Variants in PREX2 observed in about 807,000 individuals in gnomAD.
PREX2 encodes phosphatidylinositol 3,4,5-trisphosphate-dependent Rac exchanger 2 protein.
A neutral mutation model predicts 203.2 loss-of-function variants in PREX2; 107 were observed. That is an observed-to-expected ratio of 0.53 (90% CI 0.45 to 0.62). The LOEUF is 0.62. Ranked by LOEUF, PREX2 falls within the 20% of genes least tolerant of loss-of-function variation. PREX2 has a pLI of 0.00. For missense variants in PREX2, 1,777 were observed against 1,955.9 expected (o/e 0.91, Z 1.72); for synonymous variants, 672 against 663.6 (o/e 1.01, Z -0.19).
intron 23 of PREX2, among the ~76,000 whole-genome samples, chr8:68,106,794 G>C (rs774464558): frequency 2.6e-5 from 4 of 152,092 alleles, no homozygotes; most frequent in African/African-American, 4.8e-5. Flanking sequence ...AGAGTAAATA[G>C]ATAGGATCAT....
rs557475368 is a variant in PREX2 at position 68,098,676 on chromosome 8, C to T, written c.2554-1006C>T. ...TATTACAAATATCACTTGGATTTTA[C>T]ACATGAAGAAAAAACAGTCAAGAAA... On this transcript the variant is annotated intron_variant, in intron 22 of 39. Transcript: ENST00000288368. 1.4e-4 allele frequency among the ~76,000 whole-genome samples: 21 copies of T among 151,430 alleles called. No homozygotes were observed. The South Asian group carries it at 2.9e-3, about 21-fold the overall frequency.
chr8:68,085,140 A>G (rs529276503), intron 18 of PREX2, among the ~76,000 whole-genome samples: 9 of 152,324 alleles, frequency 5.9e-5, no homozygotes, highest in Middle Eastern at 3.4e-3. Flanking sequence ...AATGGGGATA[A>G]GAGTACCTGT....
Position 68,134,208 on chromosome 8 carries a change from A to T in PREX2, c.3916A>T (p.Arg1306Trp), listed in dbSNP as rs1465260088. 1.9e-6 allele frequency: 3 copies of T among 1,614,146 alleles called. No homozygotes were observed. The highest frequency in any genetic ancestry group is 1.1e-5 in the South Asian group (1 of 91,088). Reference sequence around the variant, plus strand: ...GATGGAAACTTGGGAAGCCAGCAGGAGGTGGCTGGACCAGATAGCGAATGC... The same window carrying T: ...GATGGAAACTTGGGAAGCCAGCAGGTGGTGGCTGGACCAGATAGCGAATGC... ...NEMETWEASR[R>W]WLDQIANAGV... is the part of the protein sequence containing the mutation. Residue 1306 changes from arginine (R) to tryptophan (W), a missense_variant, in exon 32 of 40, where the codon AGG becomes TGG. Arg to Trp is a moderately radical substitution (Grantham distance 101). Coordinates refer to ENST00000288368, the MANE Select transcript of PREX2 (RefSeq NM_024870.4).
At chr8:68,199,148 A>G (rs1446108692) in intron 37 of PREX2, among the ~76,000 whole-genome samples, 1 of 151,900 alleles carries the variant, frequency 6.6e-6, no homozygotes, top group Non-Finnish European at 1.5e-5. Flanking sequence ...GGGGGGGTTC[A>G]CCAGCACCCA....
chr8:67,972,776 C>T (rs1305114423), intron 1 of PREX2, among the ~76,000 whole-genome samples: 2 of 152,124 alleles, frequency 1.3e-5, no homozygotes, highest in Non-Finnish European at 2.9e-5. Context: ...ATCAACTGAC[C>T]ATGGCCTCTG....
intron 1 of PREX2, among the ~76,000 whole-genome samples, chr8:67,978,212 C>T (rs7460546): frequency 0.34 from 52,196 of 151,808 alleles, 9,340 homozygotes; most frequent in East Asian, 0.6. Context: ...CCTCTCCCCC[C>T]GCACATACAC....
chr8:68,182,960 C>T (rs1377216189), intron 35 of PREX2, among the ~76,000 whole-genome samples: 1 of 151,248 alleles, frequency 6.6e-6, no homozygotes, highest in African/African-American at 2.4e-5. Context: ...CAGGAGAGAA[C>T]CATATGCAAA....
chr8:68,115,271 G>A (rs1233312891), intron 25 of PREX2, among the ~76,000 whole-genome samples: 3 of 151,972 alleles, frequency 2.0e-5, no homozygotes, highest in African/African-American at 7.2e-5. Flanking sequence ...TAGGTGATCC[G>A]CCTGCCTTGG....
chr8:68,106,820 G>A (rs1315294349), intron 23 of PREX2, among the ~76,000 whole-genome samples: 3 of 152,128 alleles, frequency 2.0e-5, no homozygotes, highest in African/African-American at 4.8e-5. Context: ...TAGTTTTCAA[G>A]GGAGAAGAGA....
rs539254200 is a variant in PREX2, at chr8:68,139,373, G to C, written c.4087+856G>C. Among the ~76,000 whole-genome samples the C allele has an allele frequency of 1.4e-4, 21 of 152,214 alleles. No individual in the cohort carries two copies. In the South Asian group the frequency reaches 4.1e-3, roughly 30 times the overall value. ...GGACTCTGAGGCTGGGAGCAGACAT[G>C]GCATGCTCTCAGGATAGGAAGTTGG... On this transcript the variant is annotated intron_variant, in intron 33 of 39. Coordinates refer to ENST00000288368, the MANE Select transcript of PREX2 (RefSeq NM_024870.4).
chr8:68,106,081 G>C (rs539946224), intron 23 of PREX2: 7 of 273,486 alleles, frequency 2.6e-5, no homozygotes, highest in African/African-American at 1.6e-4. Context: ...TATATCTCCA[G>C]CATTGAGCAC....
chr8:67,954,148 A>G (rs955275866), intron 1 of PREX2, among the ~76,000 whole-genome samples: 4 of 152,220 alleles, frequency 2.6e-5, no homozygotes, highest in African/African-American at 9.6e-5. Context: ...ATATAGAGTT[A>G]GGTAAGAAAG....
At chr8:68,086,165 T>G (rs13280209) in intron 18 of PREX2, among the ~76,000 whole-genome samples, 33,025 of 152,138 alleles carry the variant, frequency 0.22, 3,868 homozygotes, top group African/African-American at 0.31. Flanking sequence ...CTGTGACCTC[T>G]ATCCCACATA....
At chr8:68,021,710 G>A (rs1807572430) in intron 3 of PREX2, among the ~76,000 whole-genome samples, 1 of 152,166 alleles carries the variant, frequency 6.6e-6, no homozygotes, top group Non-Finnish European at 1.5e-5. Context: ...GCAAGAATAT[G>A]TATGTAATTT....
chr8:67,965,352 T>C (rs1322912322), intron 1 of PREX2, among the ~76,000 whole-genome samples: 1 of 152,220 alleles, frequency 6.6e-6, no homozygotes, highest in African/African-American at 2.4e-5. Flanking sequence ...GTATTTACAG[T>C]GCTTCCTAAC....
intron 38 of PREX2, among the ~76,000 whole-genome samples, chr8:68,224,322 T>G (rs758081148): frequency 4.6e-5 from 7 of 152,208 alleles, no homozygotes; most frequent in Non-Finnish European, 8.8e-5. Flanking sequence ...TGGCCTGTTT[T>G]CAACATCTGA....
intron 37 of PREX2, among the ~76,000 whole-genome samples, chr8:68,213,917 T>G (rs1210082392): frequency 2.0e-5 from 3 of 152,218 alleles, no homozygotes; most frequent in Non-Finnish European, 2.9e-5. Context: ...CTGTGACATT[T>G]ATTTTGTTAT....
chr8:68,119,456 G>A lies in PREX2; in HGVS notation c.3446G>A (p.Arg1149His), dbSNP rs748595305. The A allele has an allele frequency of 2.5e-6, 4 of 1,613,140 alleles. No homozygotes were observed. Among genetic ancestry groups the A allele is most frequent in the Non-Finnish European group, 3.4e-6 (4 of 1,179,434 alleles). ...DSGDELPLSV[R>H]ISHDKQDKIH... ...GGTGATGAACTTCCCTTAAGTGTTC[G>A]CATATCTCATGATAAACAGGACAAG... The change falls in exon 28 of 40, where the codon CGC (arginine) becomes CAC (histidine). Residue 1149 changes from arginine to histidine, a missense_variant. Coordinates refer to ENST00000288368, the MANE Select transcript of PREX2 (RefSeq NM_024870.4).
intron 29 of PREX2, 55 bp downstream of exon 29, chr8:68,120,341 C>G (rs917610647): frequency 8.3e-7 from 1 of 1,199,322 alleles, no homozygotes; most frequent in South Asian, 1.2e-5. Flanking sequence ...AGGTGGTAGA[C>G]AATATAGTCA....
Sources: allele counts gnomAD v4.1 joint callset (sites outside exome capture counted in the v4.1 genomes callset), GRCh38; gene constraint gnomAD v4.1.1; transcripts MANE v1.5; gene names NCBI Gene and HGNC (gene_info 2026-07-23, HGNC 2026-07-21).